The following SLC35F4 variants were observed in gnomAD, a reference collection of about 807,000 sequenced individuals.
The protein encoded by SLC35F4 is solute carrier family 35 member F4.
Under a neutral mutation model 44.2 loss-of-function variants are expected in SLC35F4, and 24 were observed. That is an observed-to-expected ratio of 0.54 (90% CI 0.39 to 0.76). The LOEUF is 0.76. Among genes scored for constraint, SLC35F4 ranks in the 30% least tolerant of loss-of-function variants. SLC35F4 has a pLI of 0.00. For missense variants in SLC35F4, 562 were observed against 586.1 expected, an observed-to-expected ratio of 0.96 and a Z score of 0.42; for synonymous variants, 238 against 223.6, an observed-to-expected ratio of 1.06 and a Z score of -0.57.
chr14:57,621,356 C>A (rs1487595246), intron 1 of SLC35F4, among the ~76,000 whole-genome samples: 2 of 151,916 alleles, frequency 1.3e-5, no homozygotes, highest in African/African-American at 2.4e-5. Flanking sequence ...GCCTGCATCG[C>A]CAAGTCAATC....
At chr14:57,865,058 A>ACCCCCCCCC in intron 1 of SLC35F4, among the ~76,000 whole-genome samples, 1 of 125,112 alleles carries the variant, frequency 8.0e-6, no homozygotes, top group Middle Eastern at 5.2e-3. Context: ...CCCTTCTCAG[A>ACCCCCCCCC]CCCCCCCCCC....
At position 57,645,514 on chromosome 14, in the gene SLC35F4, A is replaced by G. The variant is rs140692058; in HGVS notation, c.104-51390T>C. Among the ~76,000 whole-genome samples the G allele has an allele frequency of 2.4e-3, 369 of 151,968 alleles. 1 individual carries two copies. The highest frequency in any genetic ancestry group is 6.8e-3 in the Middle Eastern group (2 of 294). On this transcript the variant is annotated intron_variant, in intron 1 of 7. Coordinates refer to ENST00000556826, the MANE Select transcript of SLC35F4 (RefSeq NM_001306087.2). ...TGAAGTTGCTTATCAGCTTAAGGAG[A>G]TTTTGGGCTGAGATGATGGGGTTTT...
At chr14:57,633,572 C>T (rs2072886109) in intron 1 of SLC35F4, among the ~76,000 whole-genome samples, 1 of 152,066 alleles carries the variant, frequency 6.6e-6, no homozygotes, top group South Asian at 2.1e-4. Context: ...AGAGACTTCC[C>T]ATGTACCCTT....
chr14:57,638,964 A>G (rs1217982494), intron 1 of SLC35F4, among the ~76,000 whole-genome samples: 1 of 152,100 alleles, frequency 6.6e-6, no homozygotes, highest in Non-Finnish European at 1.5e-5. Context: ...CCTTACCTGA[A>G]GTCAAACATC....
At chr14:57,659,741 T>A (rs969134075) in intron 1 of SLC35F4, among the ~76,000 whole-genome samples, 1 of 152,208 alleles carries the variant, frequency 6.6e-6, no homozygotes, top group Non-Finnish European at 1.5e-5. Flanking sequence ...ACCATCATTA[T>A]TTACATAATT....
rs147183202 is a variant in SLC35F4 at position 57,686,669 on chromosome 14, T to C, written c.104-92545A>G. On this transcript the variant is annotated intron_variant, in intron 1 of 7. Transcript: ENST00000556826. ...TCCAAAAGTCAAATGGAGAATTCCA[T>C]TTCGGCACAAGACCTTTTCTTCTAA... is the stretch of plus-strand genomic sequence containing the variant. Among the ~76,000 whole-genome samples the C allele has an allele frequency of 1.4e-4, 22 of 152,322 alleles. 2 individuals are homozygous for C. The highest frequency in any genetic ancestry group is 5.3e-4 in the African/African-American group (22 of 41,578).
intron 1 of SLC35F4, among the ~76,000 whole-genome samples, chr14:57,833,863 T>C (rs1351047574): frequency 6.6e-6 from 1 of 152,154 alleles, no homozygotes; most frequent in African/African-American, 2.4e-5. Context: ...TCACAGAAAA[T>C]AATTTTTTAA....
chr14:57,948,185 A>AT (rs1174984271), intron 1 of SLC35F4, among the ~76,000 whole-genome samples: 1 of 151,874 alleles, frequency 6.6e-6, no homozygotes, highest in Non-Finnish European at 1.5e-5. Flanking sequence ...TCTGTTGGCA[A>AT]TTTTTTTATT....
intron 1 of SLC35F4, among the ~76,000 whole-genome samples, chr14:57,964,991 A>AAAATATATATATATATATAT (rs1555331532): frequency 4.8e-4 from 55 of 115,640 alleles, no homozygotes; most frequent in African/African-American, 1.9e-3. Context: ...AAAAAAAAAA[A>AAAATATATATATATATATAT]ATATATATAT....
intron 1 of SLC35F4, among the ~76,000 whole-genome samples, chr14:57,812,462 A>G (rs757769073): frequency 1.3e-5 from 2 of 152,170 alleles, no homozygotes; most frequent in Non-Finnish European, 2.9e-5. Flanking sequence ...ATTTCACTAA[A>G]TATATTCACA....
chr14:57,842,224 A>T (rs1388625661), intron 1 of SLC35F4, among the ~76,000 whole-genome samples: 5 of 152,224 alleles, frequency 3.3e-5, no homozygotes, highest in East Asian at 1.9e-4. Context: ...TCACATTTTC[A>T]GTTCCCATCA....
At chr14:57,871,111 A>G (rs909056009) in intron 1 of SLC35F4, among the ~76,000 whole-genome samples, 1 of 152,214 alleles carries the variant, frequency 6.6e-6, no homozygotes, top group Non-Finnish European at 1.5e-5. Flanking sequence ...GTGATGCCCC[A>G]TGGGAGGCAG....
At chr14:57,716,152 G>C (rs2075935188) in intron 1 of SLC35F4, among the ~76,000 whole-genome samples, 1 of 152,156 alleles carries the variant, frequency 6.6e-6, no homozygotes. Flanking sequence ...TTCATCCACT[G>C]AAGGCAGCAA....
At position 57,708,601 on chromosome 14, in the gene SLC35F4, A is replaced by G. The variant is rs565172714; in HGVS notation, c.104-114477T>C. 5.3e-5 allele frequency among the ~76,000 whole-genome samples: 8 copies of G among 152,274 alleles called. No homozygotes were observed. In the East Asian group the frequency reaches 1.5e-3, roughly 29 times the overall value. ...AGTTGCAGATGAGAAACTTGTTGGG[A>G]ACTTGTAGGGTACAGCCCCACAGAG... is the stretch of plus-strand genomic sequence containing the variant. On this transcript the variant is annotated intron_variant, in intron 1 of 7. Coordinates refer to ENST00000556826, the MANE Select transcript of SLC35F4 (RefSeq NM_001306087.2).
At position 57,588,429 on chromosome 14, in the gene SLC35F4, A is replaced by G. The variant is rs141995185; in HGVS notation, c.587+787T>C. 1.8e-3 allele frequency among the ~76,000 whole-genome samples: 276 copies of G among 151,458 alleles called. 1 individual carries two copies. Among genetic ancestry groups the G allele is most frequent in the African/African-American group, 6.1e-3 (251 of 41,178 alleles). On this transcript the variant is annotated intron_variant, in intron 3 of 7. Transcript: ENST00000556826. ...TCTCAGCATCAGGCTTTTCCTCTTC[A>G]TGGAACTGTCCACTAGCAAAGGTAC... is the stretch of plus-strand genomic sequence containing the variant.
At chr14:57,982,696 T>TA (rs971795534), upstream of SLC35F4, among the ~76,000 whole-genome samples, 3 of 151,968 alleles carry the variant, frequency 2.0e-5, no homozygotes, top group Admixed American at 6.6e-5. Context: ...TGCACTCTTC[T>TA]AAAAAAAATC....
chr14:57,777,443 A>G (rs1317327049), intron 1 of SLC35F4, among the ~76,000 whole-genome samples: 1 of 152,250 alleles, frequency 6.6e-6, no homozygotes, highest in East Asian at 1.9e-4. Context: ...AATACTATGC[A>G]GTCATAAAAA....
intron 1 of SLC35F4, among the ~76,000 whole-genome samples, chr14:57,725,941 A>G (rs186927797): frequency 6.6e-6 from 1 of 152,322 alleles, no homozygotes; most frequent in Non-Finnish European, 1.5e-5. Flanking sequence ...GCTGGCCTAG[A>G]TGTCTTACTT....
intron 1 of SLC35F4, among the ~76,000 whole-genome samples, chr14:57,885,532 C>G (rs1214832450): frequency 6.6e-6 from 1 of 152,122 alleles, no homozygotes; most frequent in East Asian, 1.9e-4. Flanking sequence ...CTTTCACATA[C>G]TTTCCCTCTT....
Sources: gnomAD v4.1 joint callset for allele counts (sites outside exome capture counted in the v4.1 genomes callset) on GRCh38, gnomAD v4.1.1 for gene constraint, MANE v1.5 for transcripts, NCBI Gene and HGNC (gene_info 2026-07-23, HGNC 2026-07-21) for gene names.